Variants in OLFM2 observed in about 807,000 individuals in gnomAD.
OLFM2 encodes the protein noelin-2.
Under a neutral mutation model 43.9 loss-of-function variants are expected in OLFM2, and 20 were observed. The observed-to-expected ratio is 0.46, with a 90% CI of 0.32 to 0.66. OLFM2 has a LOEUF of 0.66. Among genes scored for constraint, OLFM2 ranks in the 30% least tolerant of loss-of-function variants. OLFM2 has a pLI of 0.04. For synonymous variants in OLFM2, 268 were observed against 278.6 expected, an observed-to-expected ratio of 0.96 and a Z score of 0.38; for missense variants, 416 against 643.6, an observed-to-expected ratio of 0.65 and a Z score of 3.83.
At position 9,854,627 on chromosome 19, in the gene OLFM2, A is replaced by C; in HGVS notation, c.924T>G (p.Gly308=). ...AGGAGTAGGGGAAGGTGTTGTTGTA[A>C]CCGGCGCCCGGGAGGCTCCTCTGCA... ...VLVQRSLPGA[G]YNNTFPYSWG... is the part of the protein sequence containing the mutation. Residue 308 remains glycine, a synonymous_variant, in exon 6 of 6, where the codon GGT becomes GGG. Coordinates refer to ENST00000264833, the MANE Select transcript of OLFM2 (RefSeq NM_058164.4). This position sits in a 1 kb window ranked among gnomAD's most constrained non-coding sequence, Gnocchi z 9.5. The C allele has an allele frequency of 6.2e-7, 1 of 1,614,166 alleles. No homozygotes were observed. The highest frequency in any genetic ancestry group is 8.5e-7 in the Non-Finnish European group (1 of 1,180,012).
intron 1 of OLFM2, among the ~76,000 whole-genome samples, chr19:9,879,207 G>C (rs181291612): frequency 3.0e-4 from 46 of 152,162 alleles, no homozygotes; most frequent in Admixed American, 2.4e-3. Context: ...ATCTCAGCTC[G>C]TTGCAACCTC....
chr19:9,881,823 T>C (rs976960469), intron 1 of OLFM2, among the ~76,000 whole-genome samples: 2 of 152,080 alleles, frequency 1.3e-5, no homozygotes, highest in African/African-American at 4.8e-5. Flanking sequence ...TATACAGACA[T>C]GAGTCATGTT....
chr19:9,924,762 T>G (rs535948731), intron 1 of OLFM2, among the ~76,000 whole-genome samples: 1 of 152,240 alleles, frequency 6.6e-6, no homozygotes, highest in African/African-American at 2.4e-5. Flanking sequence ...CTAGTGTTTC[T>G]AAGTCAAGAA....
chr19:9,909,631 G>A (rs889231480), intron 1 of OLFM2, among the ~76,000 whole-genome samples: 4 of 152,066 alleles, frequency 2.6e-5, no homozygotes, highest in African/African-American at 9.7e-5. Context: ...CCAACCTTCC[G>A]CCTCCTGACT....
chr19:9,865,294 G>A (rs11667192), intron 1 of OLFM2, among the ~76,000 whole-genome samples: 72,206 of 150,388 alleles, frequency 0.48, 17,939 homozygotes, highest in Admixed American at 0.57. Context: ...TCAGCCTCCC[G>A]AGTAGCTGAG....
chr19:9,931,695 C>G (rs184941234), intron 1 of OLFM2, among the ~76,000 whole-genome samples: 4 of 133,852 alleles, frequency 3.0e-5, no homozygotes, highest in African/African-American at 1.2e-4. Context: ...GGTGACAGAA[C>G]AAGACTCCAT....
chr19:9,862,064 T>C (rs1195644767), intron 1 of OLFM2, among the ~76,000 whole-genome samples: 3 of 151,112 alleles, frequency 2.0e-5, no homozygotes, highest in Non-Finnish European at 4.4e-5. Context: ...CATGAGAGTC[T>C]CTTCTGTCCC....
intron 1 of OLFM2, among the ~76,000 whole-genome samples, chr19:9,922,626 A>G (rs1367622223): frequency 1.3e-5 from 2 of 152,100 alleles, no homozygotes; most frequent in African/African-American, 4.8e-5. Context: ...AATGTCTAAA[A>G]CTAAAAAAAG....
chr19:9,896,091 A>ATTTTTTT (rs71188854), intron 1 of OLFM2, among the ~76,000 whole-genome samples: 90 of 95,754 alleles, frequency 9.4e-4, no homozygotes, highest in South Asian at 1.4e-3. Flanking sequence ...CTTTATTTTA[A>ATTTTTTT]TTTTTTTTTT....
At chr19:9,870,061 TA>T (rs202166884) in intron 1 of OLFM2, among the ~76,000 whole-genome samples, 5 of 151,844 alleles carry the variant, frequency 3.3e-5, no homozygotes, top group South Asian at 2.1e-4. Context: ...CCTGGTTAAT[TA>T]AAAAAAAATT....
At chr19:9,873,796 A>ATTTTTTTTTT in intron 1 of OLFM2, among the ~76,000 whole-genome samples, 1 of 70,468 alleles carries the variant, frequency 1.4e-5, no homozygotes, top group Non-Finnish European at 2.4e-5. Flanking sequence ...TGCCCAGCTA[A>ATTTTTTTTTT]TTTTTTTTTT....
At chr19:9,921,931 A>G (rs1467780634) in intron 1 of OLFM2, among the ~76,000 whole-genome samples, 1 of 152,088 alleles carries the variant, frequency 6.6e-6, no homozygotes, top group Non-Finnish European at 1.5e-5. Flanking sequence ...CCATCTCTAA[A>G]AAAACTACAA....
At chr19:9,923,615 A>AAG (rs902449385) in intron 1 of OLFM2, among the ~76,000 whole-genome samples, 10 of 149,738 alleles carry the variant, frequency 6.7e-5, no homozygotes, top group South Asian at 2.1e-4. Context: ...GAAAGAAGGA[A>AAG]AGAGAGAGAG....
At chr19:9,897,320 T>A (rs1479247688) in intron 1 of OLFM2, among the ~76,000 whole-genome samples, 1 of 136,162 alleles carries the variant, frequency 7.3e-6, no homozygotes, top group Non-Finnish European at 1.6e-5. Flanking sequence ...AGAGTGAGAC[T>A]TCGTCTCAAA....
At chr19:9,863,383 G>C (rs917585831) in intron 1 of OLFM2, among the ~76,000 whole-genome samples, 1 of 152,060 alleles carries the variant, frequency 6.6e-6, no homozygotes, top group Admixed American at 6.6e-5. Context: ...CCTTACTTGG[G>C]TGTTCACAGT....
chr19:9,854,060 G>T lies in OLFM2; in HGVS notation c.*126C>A. On this transcript the variant is annotated 3_prime_UTR_variant, in exon 6 of 6. Coordinates refer to ENST00000264833, the MANE Select transcript of OLFM2 (RefSeq NM_058164.4). This position sits in a 1 kb window ranked among gnomAD's most constrained non-coding sequence, Gnocchi z 9.5. The stretch of plus-strand genomic sequence containing the variant: ...TACATAGGCAGAGAACAAAAGCCCA[G>T]CAAAAAGGCGGGGAGAAAGGGCGTG... 1 of 815,056 alleles carries T rather than the reference G, an allele frequency of 1.2e-6. No individual in the cohort carries two copies. The highest frequency in any genetic ancestry group is 1.7e-5 in the African/African-American group (1 of 57,938). 50.5% of individuals were successfully genotyped at this position (815,056 alleles called of 1,614,324 possible).
At chr19:9,872,385 C>T (rs943350594) in intron 1 of OLFM2, among the ~76,000 whole-genome samples, 1 of 151,956 alleles carries the variant, frequency 6.6e-6, no homozygotes, top group African/African-American at 2.4e-5. Flanking sequence ...CATGGTGGCA[C>T]GAGCCTGTGG....
chr19:9,879,811 C>G (rs918153382), intron 1 of OLFM2, among the ~76,000 whole-genome samples: 1 of 152,030 alleles, frequency 6.6e-6, no homozygotes, highest in Non-Finnish European at 1.5e-5. Flanking sequence ...GAGTCTCACT[C>G]TGTCACCCAG....
At chr19:9,913,781 TC>T in intron 1 of OLFM2, 1 of 469,408 alleles carries the variant, frequency 2.1e-6, no homozygotes, top group Non-Finnish European at 2.8e-6. Flanking sequence ...GAGGGGGGGC[TC>T]GGGGACGCGG....
Sources: gnomAD v4.1 joint callset for allele counts (sites outside exome capture counted in the v4.1 genomes callset) on GRCh38, gnomAD v4.1.1 for gene constraint, Gnocchi (gnomAD v3.1) non-coding constraint, MANE v1.5 for transcripts, NCBI Gene and HGNC (gene_info 2026-07-23, HGNC 2026-07-21) for gene names.